Variants in PRKCB observed in about 807,000 individuals in gnomAD.
PRKCB encodes the protein protein kinase C beta, also known as protein kinase C beta type.
PRKCB carries 13 observed loss-of-function variants against 81.5 expected under a neutral mutation model. The ratio of observed to expected loss-of-function variants is 0.16; its 90% CI spans 0.10 to 0.25. The LOEUF is 0.25. Among genes scored for constraint, PRKCB ranks in the 10% least tolerant of loss-of-function variants. The pLI is 1.00. For synonymous variants in PRKCB, 335 were observed against 321.4 expected (o/e 1.04, Z -0.45); for missense variants, 509 against 875.7 (o/e 0.58, Z 5.29).
At position 24,110,701 on chromosome 16, in the gene PRKCB, G is replaced by A. The variant is rs376909693; in HGVS notation, c.822-2272G>A. On this transcript the variant is annotated intron_variant, in intron 7 of 16. Transcript: ENST00000643927. ...CTAGCTAAATTTTTTTAATTTTTTTGTAGAGACAGGGTCTCGCTATGTTGC... is the reference window on the plus strand; with the variant it reads ...CTAGCTAAATTTTTTTAATTTTTTTATAGAGACAGGGTCTCGCTATGTTGC... Among the ~76,000 whole-genome samples, 201 of 150,762 alleles carry A rather than the reference G, an allele frequency of 1.3e-3. 1 individual carries two copies. Among genetic ancestry groups the A allele is most frequent in the African/African-American group, 4.6e-3 (188 of 40,966 alleles).
chr16:23,879,177 C>CAA (rs539041605), intron 2 of PRKCB, among the ~76,000 whole-genome samples: 2 of 144,170 alleles, frequency 1.4e-5, no homozygotes, highest in Non-Finnish European at 1.5e-5. Flanking sequence ...GACTCCATCT[C>CAA]AAAAAAAAAA....
chr16:24,198,928 C>A (rs1967917073), intron 16 of PRKCB, among the ~76,000 whole-genome samples: 1 of 152,168 alleles, frequency 6.6e-6, no homozygotes. Flanking sequence ...TGCTCATTCC[C>A]TCCTTCCTTC....
intron 3 of PRKCB, among the ~76,000 whole-genome samples, chr16:24,019,218 C>T (rs1248297698): frequency 6.8e-6 from 1 of 146,242 alleles, no homozygotes; most frequent in African/African-American, 2.6e-5. Flanking sequence ...AATTAAGAGT[C>T]GACTTTCCCC....
At chr16:23,991,597 A>G (rs1964886300) in intron 3 of PRKCB, among the ~76,000 whole-genome samples, 1 of 152,164 alleles carries the variant, frequency 6.6e-6, no homozygotes, top group South Asian at 2.1e-4. Context: ...TATGAAAAGG[A>G]AAATTTTGGG....
At chr16:23,838,282 C>A (rs945320778) in intron 2 of PRKCB, among the ~76,000 whole-genome samples, 1 of 152,182 alleles carries the variant, frequency 6.6e-6, no homozygotes, top group Non-Finnish European at 1.5e-5. Context: ...GAGAAATGGT[C>A]TCACTTTCGC....
intron 5 of PRKCB, among the ~76,000 whole-genome samples, chr16:24,043,997 T>C (rs1266531250): frequency 6.6e-6 from 1 of 152,214 alleles, no homozygotes; most frequent in Non-Finnish European, 1.5e-5. Flanking sequence ...TTCTTTGAGA[T>C]GCAAAGAAAA....
chr16:23,837,675 C>A (rs773169325), intron 2 of PRKCB, among the ~76,000 whole-genome samples: 7 of 152,104 alleles, frequency 4.6e-5, no homozygotes, highest in Non-Finnish European at 7.4e-5. Context: ...TCTCCTGAAG[C>A]AATCCTGGCA....
In PRKCB at chr16:23,917,062, C is replaced by A. The variant is rs560619384; in HGVS notation, c.206-71446C>A. Reference sequence around the variant, plus strand: ...AAGTGTTGGGGTTACAAGAGTGAGCCACTGCACCCAATGTCTCATTCTATT... The same window carrying A: ...AAGTGTTGGGGTTACAAGAGTGAGCAACTGCACCCAATGTCTCATTCTATT... On this transcript the variant is annotated intron_variant, in intron 2 of 16. Transcript: ENST00000643927. Among the ~76,000 whole-genome samples the A allele has an allele frequency of 2.6e-5, 4 of 152,100 alleles. No homozygotes were observed. In the South Asian group the frequency reaches 8.3e-4, roughly 32 times the overall value.
At position 24,217,921 on chromosome 16, in the gene PRKCB, G is replaced by A. The variant is rs1968256085; in HGVS notation, c.*3105G>A. 1 of 985,264 alleles carries A rather than the reference G, an allele frequency of 1.0e-6. No homozygotes were observed. The highest frequency in any genetic ancestry group is 6.2e-5 in the Admixed American group (1 of 16,254). 61.0% of individuals were successfully genotyped at this position (985,264 alleles called of 1,614,324 possible). The stretch of plus-strand genomic sequence containing the variant: ...CAGTGGCCCATTTGGGAGACCTTTA[G>A]GATCAATGGGAATCAATTCCATTGT... On this transcript the variant is annotated 3_prime_UTR_variant, in exon 17 of 17. Coordinates refer to ENST00000643927, the MANE Select transcript of PRKCB (RefSeq NM_002738.7).
chr16:24,033,720 C>T (rs1442722201), intron 4 of PRKCB, among the ~76,000 whole-genome samples: 1 of 152,110 alleles, frequency 6.6e-6, no homozygotes, highest in Non-Finnish European at 1.5e-5. Context: ...TGAGATCACA[C>T]TACTGCACTC....
At chr16:24,089,755 A>G (rs1297706866) in intron 5 of PRKCB, among the ~76,000 whole-genome samples, 1 of 151,926 alleles carries the variant, frequency 6.6e-6, no homozygotes, top group East Asian at 1.9e-4. Context: ...AGCCTGGGTG[A>G]CAGAGTGAGA....
chr16:24,207,273 T>G (rs1279590451), intron 16 of PRKCB, among the ~76,000 whole-genome samples: 1 of 152,234 alleles, frequency 6.6e-6, no homozygotes, highest in Non-Finnish European at 1.5e-5. Context: ...TTTATTTCTA[T>G]TTTTCAATTT....
At chr16:23,898,318 C>T (rs775703387) in intron 2 of PRKCB, among the ~76,000 whole-genome samples, 4 of 152,076 alleles carry the variant, frequency 2.6e-5, no homozygotes, top group South Asian at 2.1e-4. Flanking sequence ...CCGCCCATCT[C>T]GGCCTCCCAA....
At chr16:23,892,156 C>T (rs1375293776) in intron 2 of PRKCB, among the ~76,000 whole-genome samples, 1 of 152,040 alleles carries the variant, frequency 6.6e-6, no homozygotes, top group Non-Finnish European at 1.5e-5. Flanking sequence ...TACTGGGAGC[C>T]CTTGAGAGAA....
intron 2 of PRKCB, among the ~76,000 whole-genome samples, chr16:23,895,785 A>G (rs1372029023): frequency 1.3e-5 from 2 of 152,248 alleles, no homozygotes; most frequent in African/African-American, 4.8e-5. Context: ...TTAAGTGCTC[A>G]TCATAGTGCC....
intron 3 of PRKCB, among the ~76,000 whole-genome samples, chr16:24,010,831 G>C (rs1965193711): frequency 1.3e-5 from 2 of 151,920 alleles, no homozygotes; most frequent in Non-Finnish European, 2.9e-5. Context: ...ACTTATATTT[G>C]GTCAATTACC....
At chr16:24,120,713 A>G (rs750412294) in intron 8 of PRKCB, among the ~76,000 whole-genome samples, 1 of 150,800 alleles carries the variant, frequency 6.6e-6, no homozygotes, top group Non-Finnish European at 1.5e-5. Context: ...TGTTCAGTCT[A>G]CACTGCAGAC....
intron 2 of PRKCB, among the ~76,000 whole-genome samples, chr16:23,872,169 G>GAACTGGC (rs1962916401): frequency 6.6e-6 from 1 of 152,220 alleles, no homozygotes; most frequent in Non-Finnish European, 1.5e-5. Context: ...TTAGCAGGAA[G>GAACTGGC]AACTGGCAGC....
At chr16:23,914,201 G>T (rs1357361307) in intron 2 of PRKCB, among the ~76,000 whole-genome samples, 1 of 152,124 alleles carries the variant, frequency 6.6e-6, no homozygotes, top group Non-Finnish European at 1.5e-5. Flanking sequence ...TTATTTTTGG[G>T]ATGAGGTCTT....
Sources: allele counts gnomAD v4.1 joint callset (sites outside exome capture counted in the v4.1 genomes callset), GRCh38; gene constraint gnomAD v4.1.1; transcripts MANE v1.5; gene names NCBI Gene and HGNC (gene_info 2026-07-23, HGNC 2026-07-21).